WWOX: variants seen among roughly 807,000 people sequenced by gnomAD.
WWOX encodes the protein WW domain-containing oxidoreductase.
In WWOX, 69 loss-of-function variants were observed where a neutral mutation model predicts 46.2. The ratio of observed to expected loss-of-function variants is 1.49; its 90% confidence interval spans 1.23 to 1.82. The LOEUF (loss-of-function observed/expected upper bound fraction) is 1.82. WWOX is among the 40% of genes most tolerant of loss of function. WWOX has a pLI of 0.00. For missense variants in WWOX, 919 were observed against 542.6 expected, an observed-to-expected ratio of 1.69 and a Z score of -6.89; for synonymous variants, 359 against 202.6, an observed-to-expected ratio of 1.77 and a Z score of -6.56.
chr16:78,638,404 A>G (rs896606127), intron 8 of WWOX, among the ~76,000 whole-genome samples: 10 of 151,044 alleles, frequency 6.6e-5, no homozygotes, highest in African/African-American at 2.4e-4. Context: ...TGCCTTTCCA[A>G]CCGCTACCAC....
chr16:78,881,415 C>T (rs921688944), intron 8 of WWOX, among the ~76,000 whole-genome samples: 4 of 152,186 alleles, frequency 2.6e-5, no homozygotes, highest in African/African-American at 9.7e-5. Flanking sequence ...AACTAATATA[C>T]AGGTTTTCTC....
intron 8 of WWOX, among the ~76,000 whole-genome samples, chr16:78,725,280 T>A (rs1393592638): frequency 6.6e-6 from 1 of 152,100 alleles, no homozygotes; most frequent in East Asian, 1.9e-4. Flanking sequence ...CAACTTCTTT[T>A]TCTTTATAAA....
intron 5 of WWOX, among the ~76,000 whole-genome samples, chr16:78,383,049 C>G (rs976940346): frequency 3.3e-5 from 5 of 150,360 alleles, no homozygotes; most frequent in Non-Finnish European, 7.4e-5. Context: ...TGTAAACAAG[C>G]AGATCTTAGG....
chr16:78,910,232 T>TGTAGTCCCAGCTACTC (rs1326040836), intron 8 of WWOX, among the ~76,000 whole-genome samples: 1 of 152,018 alleles, frequency 6.6e-6, no homozygotes, highest in Admixed American at 6.6e-5. Context: ...AAGGGGGAGA[T>TGTAGTCCCAGCTACTC]TTACAAGCCA....
intron 8 of WWOX, among the ~76,000 whole-genome samples, chr16:79,000,034 C>T (rs887988149): frequency 6.6e-6 from 1 of 152,128 alleles, no homozygotes; most frequent in African/African-American, 2.4e-5. Context: ...TCTTCTTCCC[C>T]AGCTGAAATA....
At chr16:78,907,076 G>A (rs1414892542) in intron 8 of WWOX, among the ~76,000 whole-genome samples, 1 of 152,112 alleles carries the variant, frequency 6.6e-6, no homozygotes, top group Admixed American at 6.5e-5. Flanking sequence ...CGGGAGACTG[G>A]AGCTTTATTG....
intron 6 of WWOX, among the ~76,000 whole-genome samples, chr16:78,421,828 G>T (rs1056687666): frequency 6.6e-6 from 1 of 151,966 alleles, no homozygotes; most frequent in Non-Finnish European, 1.5e-5. Context: ...GATATTAACT[G>T]TGCAATTTTT....
At chr16:79,011,650 A>G (rs926029447) in intron 8 of WWOX, among the ~76,000 whole-genome samples, 1 of 151,474 alleles carries the variant, frequency 6.6e-6, no homozygotes, top group African/African-American at 2.4e-5. Flanking sequence ...GTGCCACCAT[A>G]GCCAGCTATT....
intron 8 of WWOX, among the ~76,000 whole-genome samples, chr16:79,042,483 C>T (rs149390723): frequency 2.8e-4 from 42 of 152,278 alleles, no homozygotes; most frequent in Non-Finnish European, 5.3e-4. Context: ...AATTGGTCAG[C>T]CTGATCCTAT....
intron 5 of WWOX, among the ~76,000 whole-genome samples, chr16:78,198,142 CT>C (rs1460197510): frequency 6.6e-6 from 1 of 152,054 alleles, no homozygotes; most frequent in African/African-American, 2.4e-5. Flanking sequence ...TCTGAGGAGT[CT>C]GGCTCCTGGG....
chr16:79,069,085 C>G (rs902525833), intron 8 of WWOX, among the ~76,000 whole-genome samples: 2 of 152,056 alleles, frequency 1.3e-5, no homozygotes, highest in African/African-American at 4.8e-5. Context: ...GATGAACTAC[C>G]TGGAAAGAAA....
chr16:78,229,511 T>TAGAG (rs781002609), intron 5 of WWOX, among the ~76,000 whole-genome samples: 41 of 111,846 alleles, frequency 3.7e-4, no homozygotes, highest in East Asian at 2.3e-3. Flanking sequence ...TATATCTATA[T>TAGAG]AGAGATATAT....
At chr16:78,556,581 G>A (rs990879278) in intron 8 of WWOX, among the ~76,000 whole-genome samples, 41 of 152,156 alleles carry the variant, frequency 2.7e-4, no homozygotes, top group Non-Finnish European at 2.2e-4. Flanking sequence ...GGACCGGCGT[G>A]CGGTGAGTTG....
In WWOX at chr16:79,212,101, A is replaced by T; in HGVS notation, c.*305A>T. 1 of 1,536,024 alleles carries T rather than the reference A, an allele frequency of 6.5e-7. No individual in the cohort carries two copies. The highest frequency in any genetic ancestry group is 8.7e-7 in the Non-Finnish European group (1 of 1,146,808). On this transcript the variant is annotated 3_prime_UTR_variant, in exon 9 of 9. Coordinates refer to ENST00000566780, the MANE Select transcript of WWOX (RefSeq NM_016373.4). Reference sequence around the variant, plus strand: ...GTATCTCCCTGGAGAAGCACCAGCAATTCTCTTTCTTTTACTGTTATAGAA... The same window carrying T: ...GTATCTCCCTGGAGAAGCACCAGCATTTCTCTTTCTTTTACTGTTATAGAA...
chr16:78,722,329 T>C (rs984566226), intron 8 of WWOX, among the ~76,000 whole-genome samples: 10 of 152,216 alleles, frequency 6.6e-5, no homozygotes, highest in African/African-American at 2.4e-4. Flanking sequence ...GCTCTTGGTC[T>C]CAGTTTTCTC....
At chr16:79,022,705 C>T (rs755749138) in intron 8 of WWOX, among the ~76,000 whole-genome samples, 1 of 152,120 alleles carries the variant, frequency 6.6e-6, no homozygotes, top group Non-Finnish European at 1.5e-5. Flanking sequence ...GGGCTGGAGC[C>T]CAAGAGGGAG....
intron 8 of WWOX, chr16:78,892,001 G>C (rs769876273): frequency 6.6e-6 from 1 of 152,170 alleles, no homozygotes; most frequent in Non-Finnish European, 1.5e-5. Context: ...TAAGCTGTCA[G>C]TAATAGTGTT....
intron 8 of WWOX, among the ~76,000 whole-genome samples, chr16:78,440,889 G>T (rs2083430071): frequency 6.6e-6 from 1 of 152,102 alleles, no homozygotes; most frequent in Non-Finnish European, 1.5e-5. Context: ...AAAGTGTGGT[G>T]GGATTCCAGG....
At chr16:78,840,199 A>C (rs866740852) in intron 8 of WWOX, among the ~76,000 whole-genome samples, 8 of 152,172 alleles carry the variant, frequency 5.3e-5, no homozygotes, top group Admixed American at 6.5e-5. Flanking sequence ...ATAATTTTTT[A>C]ATATAAAATA....
Sources: allele counts gnomAD v4.1 joint callset (sites outside exome capture counted in the v4.1 genomes callset), GRCh38; gene constraint gnomAD v4.1.1; transcripts MANE v1.5; gene names NCBI Gene and HGNC (gene_info 2026-07-23, HGNC 2026-07-21).